Variants in PLCB1 observed in about 807,000 individuals in gnomAD.
PLCB1 encodes phospholipase C beta 1.
PLCB1 carries 46 observed loss-of-function variants against 161.8 expected under a neutral mutation model. The ratio of observed to expected loss-of-function variants is 0.28; its 90% confidence interval spans 0.22 to 0.36. The LOEUF is 0.36. Ranked by LOEUF, PLCB1 falls within the 10% of genes least tolerant of loss-of-function variation. The pLI, the probability that PLCB1 is intolerant of heterozygous loss-of-function variation, is 1.00. For missense variants in PLCB1, 1,016 were observed against 1,472.5 expected (o/e 0.69, Z 5.07); for synonymous variants, 517 against 503.7 (o/e 1.03, Z -0.35).
rs1988095508 is a variant in PLCB1 at position 8,884,232 on chromosome 20, A to G, written c.*2383A>G. 1 of 152,622 alleles carries G rather than the reference A, an allele frequency of 6.6e-6. No homozygotes were observed. Among genetic ancestry groups the G allele is most frequent in the African/African-American group, 2.4e-5 (1 of 41,454 alleles). The allele number at this position is 152,622 out of a possible 1,614,324, so 9.5% of individuals were successfully genotyped here. On this transcript the variant is annotated 3_prime_UTR_variant, in exon 32 of 32. Coordinates refer to ENST00000338037, the MANE Select transcript of PLCB1 (RefSeq NM_015192.4). ...ATCTTGCATCATTGAAACTACTACAATGATACTATCATTTAATAATATTAA... is the reference window on the plus strand; with the variant it reads ...ATCTTGCATCATTGAAACTACTACAGTGATACTATCATTTAATAATATTAA...
intron 2 of PLCB1, among the ~76,000 whole-genome samples, chr20:8,247,258 T>C (rs1449033002): frequency 6.6e-6 from 1 of 151,998 alleles, no homozygotes; most frequent in Non-Finnish European, 1.5e-5. Context: ...ATGCATGGGT[T>C]TCTTATTTCT....
chr20:8,159,850 G>C (rs1302091219), intron 2 of PLCB1, among the ~76,000 whole-genome samples: 2 of 151,886 alleles, frequency 1.3e-5, no homozygotes, highest in African/African-American at 4.8e-5. Context: ...AGCCAGGCAG[G>C]GTGGCACATG....
chr20:8,513,497 A>T (rs916767949), intron 3 of PLCB1, among the ~76,000 whole-genome samples: 1 of 152,256 alleles, frequency 6.6e-6, no homozygotes, highest in Non-Finnish European at 1.5e-5. Context: ...AAATGCACGA[A>T]GTGTGCTAGA....
At chr20:8,386,075 C>T (rs1461946505) in intron 3 of PLCB1, among the ~76,000 whole-genome samples, 1 of 152,196 alleles carries the variant, frequency 6.6e-6, no homozygotes, top group African/African-American at 2.4e-5. Context: ...CAGTGACTTT[C>T]TCCACTGAAG....
chr20:8,773,076 C>CT (rs1982772702), intron 26 of PLCB1, among the ~76,000 whole-genome samples: 2 of 152,028 alleles, frequency 1.3e-5, no homozygotes, highest in African/African-American at 4.8e-5. Context: ...CAAAAAGAAA[C>CT]TTGAGAAAAT....
At chr20:8,622,622 G>A (rs1021392568) in intron 3 of PLCB1, among the ~76,000 whole-genome samples, 1 of 152,170 alleles carries the variant, frequency 6.6e-6, no homozygotes, top group African/African-American at 2.4e-5. Context: ...TGGCACTAGT[G>A]TTTTGAGCCT....
rs368791318 is a variant in PLCB1 at position 8,704,984 on chromosome 20, C to CTTTTTTTTTTTTTTT, written c.1168-3673_1168-3672insTTTTTTTTTTTTTTT. On this transcript the variant is annotated intron_variant, in intron 11 of 31. Transcript: ENST00000338037. The stretch of plus-strand genomic sequence containing the variant: ...CAGAAACAGCAAATTCTCCTTTACT[C>CTTTTTTTTTTTTTTT]TTTTTTTTTTTTTCCTATTCAGGCT... Among the ~76,000 whole-genome samples the CTTTTTTTTTTTTTTT allele has an allele frequency of 1.0e-4, 12 of 118,804 alleles. 2 individuals carry two copies. The highest frequency in any genetic ancestry group is 3.7e-4 in the African/African-American group (11 of 30,114). 77.9% of individuals were successfully genotyped at this position (118,804 alleles called of 152,430 possible). A position where few individuals can be genotyped will look rare whatever the true frequency, so the allele number is the denominator to read the frequency against.
At chr20:8,320,157 G>A (rs1984846514) in intron 2 of PLCB1, among the ~76,000 whole-genome samples, 1 of 152,052 alleles carries the variant, frequency 6.6e-6, no homozygotes, top group South Asian at 2.1e-4. Context: ...TGATGAATGA[G>A]TAAATATGCT....
Position 8,724,658 on chromosome 20 carries a change from G to C in PLCB1, c.1584G>C (p.Gly528=), listed in dbSNP as rs957436764. 6.4e-7 allele frequency: 1 copy of C among 1,566,440 alleles called. No individual in the cohort carries two copies. The highest frequency in any genetic ancestry group is 1.4e-5 in the African/African-American group (1 of 73,964). ...DDCKKSSMDE[G]TAGSEAMATE... Reference sequence around the variant, plus strand: ...TTCTTTTTTATTCCTACTTCCAGGGGACTGCTGGAAGTGAGGCTATGGCCA... The same window carrying C: ...TTCTTTTTTATTCCTACTTCCAGGGCACTGCTGGAAGTGAGGCTATGGCCA... The change falls in exon 16 of 32, where the codon GGG becomes GGC. Residue 528 remains glycine, a splice_region_variant and synonymous_variant. Coordinates refer to ENST00000338037, the MANE Select transcript of PLCB1 (RefSeq NM_015192.4).
At chr20:8,489,657 C>T (rs574822674) in intron 3 of PLCB1, among the ~76,000 whole-genome samples, 49 of 152,260 alleles carry the variant, frequency 3.2e-4, no homozygotes, top group African/African-American at 1.0e-3. Context: ...GGAGGGCCCA[C>T]GCAGTACAGG....
intron 2 of PLCB1, among the ~76,000 whole-genome samples, chr20:8,318,459 T>C (rs1053891274): frequency 6.1e-5 from 9 of 147,878 alleles, no homozygotes; most frequent in Non-Finnish European, 1.3e-4. Context: ...CCCCCCCCTT[T>C]TTCTTTGGTA....
chr20:8,861,881 A>C (rs1238973695), intron 31 of PLCB1, among the ~76,000 whole-genome samples: 2 of 152,190 alleles, frequency 1.3e-5, no homozygotes, highest in Admixed American at 1.3e-4. Context: ...TATTGGAAAA[A>C]CAATGAAAAT....
chr20:8,623,124 T>A (rs1243281666), intron 3 of PLCB1, among the ~76,000 whole-genome samples: 1 of 152,074 alleles, frequency 6.6e-6, no homozygotes, highest in African/African-American at 2.4e-5. Flanking sequence ...GACCCTGAGC[T>A]TGTTCCTGGA....
chr20:8,140,292 T>C (rs1334936281), intron 1 of PLCB1, among the ~76,000 whole-genome samples: 2 of 152,248 alleles, frequency 1.3e-5, no homozygotes, highest in Non-Finnish European at 2.9e-5. Flanking sequence ...GCTTACTTTA[T>C]ATTAAGTCCC....
chr20:8,528,558 G>T (rs550846001), intron 3 of PLCB1, among the ~76,000 whole-genome samples: 2 of 152,000 alleles, frequency 1.3e-5, no homozygotes, highest in Non-Finnish European at 2.9e-5. Flanking sequence ...GGCTTGTGAT[G>T]AAGATACTCT....
At chr20:8,326,913 T>C (rs1422235344) in intron 2 of PLCB1, among the ~76,000 whole-genome samples, 5 of 152,162 alleles carry the variant, frequency 3.3e-5, no homozygotes, top group Admixed American at 3.3e-4. Context: ...TGAGACAGGG[T>C]CTTGCTCTGT....
chr20:8,494,506 A>G (rs574027648), intron 3 of PLCB1, among the ~76,000 whole-genome samples: 1 of 152,318 alleles, frequency 6.6e-6, no homozygotes, highest in South Asian at 2.1e-4. Context: ...TTCATTTCAG[A>G]AGCTAGCCTG....
At chr20:8,140,824 G>T (rs2051395306) in intron 1 of PLCB1, among the ~76,000 whole-genome samples, 1 of 151,542 alleles carries the variant, frequency 6.6e-6, no homozygotes, top group South Asian at 2.1e-4. Context: ...TTTAGACGGA[G>T]TTTTGCTCTT....
chr20:8,238,674 A>T (rs535813081), intron 2 of PLCB1, among the ~76,000 whole-genome samples: 10 of 152,004 alleles, frequency 6.6e-5, no homozygotes, highest in Admixed American at 3.9e-4. Flanking sequence ...AATTGGTTTT[A>T]AAAAAAAGAT....
Sources: gnomAD v4.1 joint callset for allele counts (sites outside exome capture counted in the v4.1 genomes callset) on GRCh38, gnomAD v4.1.1 for gene constraint, MANE v1.5 for transcripts, NCBI Gene and HGNC (gene_info 2026-07-23, HGNC 2026-07-21) for gene names.